FYN: variants seen among roughly 807,000 people sequenced by gnomAD.
FYN encodes tyrosine-protein kinase Fyn.
A neutral mutation model predicts 70.2 loss-of-function variants in FYN; 10 were observed. The observed-to-expected ratio is 0.14, with a 90% CI of 0.09 to 0.24. The LOEUF (loss-of-function observed/expected upper bound fraction) is 0.24, where lower values mean the gene tolerates loss of function less well. Among genes scored for constraint, FYN ranks in the 10% least tolerant of loss-of-function variants. The pLI is 1.00. For synonymous variants in FYN, 236 were observed against 248.6 expected (o/e 0.95, Z 0.48); for missense variants, 319 against 673.1 (o/e 0.47, Z 5.82).
intron 4 of FYN, among the ~76,000 whole-genome samples, chr6:111,719,454 C>T (rs1800831359): frequency 6.6e-6 from 1 of 152,150 alleles, no homozygotes; most frequent in Non-Finnish European, 1.5e-5. Flanking sequence ...GGACATGGCT[C>T]AGGCATCCGT....
chr6:111,822,486 G>A (rs921370972), intron 2 of FYN, among the ~76,000 whole-genome samples: 27 of 151,308 alleles, frequency 1.8e-4, no homozygotes, highest in Admixed American at 1.7e-3. Context: ...GTTGTGGGGT[G>A]GGGGGAGCGG....
intron 2 of FYN, among the ~76,000 whole-genome samples, chr6:111,827,416 T>G (rs983305966): frequency 2.6e-5 from 4 of 152,218 alleles, no homozygotes; most frequent in African/African-American, 9.6e-5. Flanking sequence ...CCTCCCAGTT[T>G]ACTTTCTTCT....
chr6:111,762,754 T>C (rs764373552), intron 3 of FYN, among the ~76,000 whole-genome samples: 5 of 152,012 alleles, frequency 3.3e-5, no homozygotes, highest in Non-Finnish European at 5.9e-5. Context: ...AGAACTGCCT[T>C]GGGCCACACA....
At chr6:111,776,092 G>C (rs1326399003) in intron 3 of FYN, among the ~76,000 whole-genome samples, 2 of 152,202 alleles carry the variant, frequency 1.3e-5, no homozygotes, top group Non-Finnish European at 2.9e-5. Context: ...CAGACAGCAA[G>C]TTCTGACCTC....
At chr6:111,679,170 A>G (rs1798677944) in intron 12 of FYN, among the ~76,000 whole-genome samples, 1 of 152,052 alleles carries the variant, frequency 6.6e-6, no homozygotes, top group African/African-American at 2.4e-5. Context: ...CGGACAGGCT[A>G]TTTCCTTTAT....
intron 2 of FYN, among the ~76,000 whole-genome samples, chr6:111,785,992 A>C (rs1345520129): frequency 6.6e-6 from 1 of 152,036 alleles, no homozygotes; most frequent in East Asian, 1.9e-4. Flanking sequence ...TACAAAGGAC[A>C]TGAACTCATT....
intron 3 of FYN, among the ~76,000 whole-genome samples, chr6:111,765,200 C>T (rs1803182826): frequency 6.6e-6 from 1 of 152,120 alleles, no homozygotes; most frequent in East Asian, 1.9e-4. Context: ...ATTTTTATAC[C>T]TATGTGTGAT....
At chr6:111,793,952 C>CAT (rs1202407570) in intron 2 of FYN, 1 of 152,188 alleles carries the variant, frequency 6.6e-6, no homozygotes, top group Non-Finnish European at 1.5e-5. Flanking sequence ...CTGCAGGCAG[C>CAT]CCCCACAGGA....
chr6:111,798,909 T>G (rs999606363), intron 2 of FYN, among the ~76,000 whole-genome samples: 3 of 152,182 alleles, frequency 2.0e-5, no homozygotes, highest in Non-Finnish European at 2.9e-5. Flanking sequence ...AGAAATAAAG[T>G]TCAGTGATTA....
intron 3 of FYN, among the ~76,000 whole-genome samples, chr6:111,779,092 A>C (rs1269781995): frequency 1.3e-5 from 2 of 149,298 alleles, no homozygotes; most frequent in Non-Finnish European, 1.5e-5. Flanking sequence ...GAAGAATTTG[A>C]ATTCCCTTGT....
chr6:111,861,292 C>T (rs527596414), intron 1 of FYN, among the ~76,000 whole-genome samples: 7 of 152,122 alleles, frequency 4.6e-5, no homozygotes, highest in Non-Finnish European at 8.8e-5. Context: ...ACAATATTGA[C>T]GCTGATGTGT....
chr6:111,776,781 C>G (rs1275757968), intron 3 of FYN, among the ~76,000 whole-genome samples: 1 of 152,144 alleles, frequency 6.6e-6, no homozygotes, highest in African/African-American at 2.4e-5. Flanking sequence ...GTGGGTTGTC[C>G]TATATCATAA....
intron 2 of FYN, among the ~76,000 whole-genome samples, chr6:111,797,849 G>A (rs914404383): frequency 2.6e-5 from 4 of 151,622 alleles, no homozygotes; most frequent in Admixed American, 2.6e-4. Flanking sequence ...TGCAACCTCC[G>A]CCTCCCAGGT....
At chr6:111,734,097 AAAAC>A (rs531204142) in intron 3 of FYN, among the ~76,000 whole-genome samples, 70 of 152,258 alleles carry the variant, frequency 4.6e-4, no homozygotes, top group South Asian at 6.2e-4. Flanking sequence ...AAACAAACAA[AAAAC>A]AAACAAACAA....
At chr6:111,676,405 A>G (rs548586664) in intron 12 of FYN, 1 of 152,368 alleles carries the variant, frequency 6.6e-6, no homozygotes, top group African/African-American at 2.4e-5. Flanking sequence ...ATAATTATTT[A>G]TATCTTTCCT....
In FYN at chr6:111,806,202, C is replaced by A. The variant is rs1173763613; in HGVS notation, c.-81-25567G>T. On this transcript the variant is annotated intron_variant, in intron 2 of 13. Transcript: ENST00000354650. ...CCAGCTTGTGTTCGGAGATGAAATA[C>A]AATTGCACGAGCTTGTAACTCCTGG... is the stretch of plus-strand genomic sequence containing the variant. Among the ~76,000 whole-genome samples the A allele has an allele frequency of 1.3e-5, 2 of 152,144 alleles. 1 individual carries two copies. Among genetic ancestry groups the A allele is most frequent in the Non-Finnish European group, 2.9e-5 (2 of 68,028 alleles).
chr6:111,677,955 T>C (rs906733178), intron 12 of FYN, among the ~76,000 whole-genome samples: 1 of 152,182 alleles, frequency 6.6e-6, no homozygotes, highest in African/African-American at 2.4e-5. Flanking sequence ...ATCATCTATG[T>C]CACTGATATC....
rs1331133588 is a variant in FYN at position 111,870,817 on chromosome 6, C to T, written c.-123+2151G>A. ...CAGGAGAAAGCAGAGTGTGCATTTG[C>T]TCACATTCAACCTTATCATTAAGTC... On this transcript the variant is annotated intron_variant, in intron 1 of 13. Transcript: ENST00000354650. Among the ~76,000 whole-genome samples the T allele has an allele frequency of 2.6e-5, 4 of 152,212 alleles. No homozygotes were observed. The East Asian group carries it at 7.7e-4, about 29-fold the overall frequency.
chr6:111,662,047 C>G (rs139925754), intron 13 of FYN, 100 bp from the exon 14 acceptor site: 3 of 965,894 alleles, frequency 3.1e-6, no homozygotes, highest in Non-Finnish European at 4.6e-6. Flanking sequence ...CTGCATGTGG[C>G]TAAAACATGC....
Sources: gnomAD v4.1 joint callset for allele counts (sites outside exome capture counted in the v4.1 genomes callset) on GRCh38, gnomAD v4.1.1 for gene constraint, MANE v1.5 for transcripts, NCBI Gene and HGNC (gene_info 2026-07-23, HGNC 2026-07-21) for gene names.